The following FBXO10 variants were observed in gnomAD, a reference collection of about 807,000 sequenced individuals.
FBXO10 encodes F-box only protein 10.
Under a neutral mutation model 80.7 loss-of-function variants are expected in FBXO10, and 39 were observed. The ratio of observed to expected loss-of-function variants is 0.48; its 90% CI spans 0.37 to 0.63. FBXO10 has a LOEUF of 0.63. Among genes scored for constraint, FBXO10 ranks in the 30% least tolerant of loss-of-function variants. The pLI is 0.00. For synonymous variants in FBXO10, 449 were observed against 489.6 expected (o/e 0.92, Z 1.09); for missense variants, 1,025 against 1,269.0 (o/e 0.81, Z 2.92).
At chr9:37,532,416 T>C (rs1821654340) in intron 3 of FBXO10, among the ~76,000 whole-genome samples, 1 of 149,290 alleles carries the variant, frequency 6.7e-6, no homozygotes, top group African/African-American at 2.5e-5. Flanking sequence ...TCCTCCCACC[T>C]CAGCCTCCCA....
At chr9:37,513,062 C>T (rs1344629104) in intron 10 of FBXO10, among the ~76,000 whole-genome samples, 3 of 152,118 alleles carry the variant, frequency 2.0e-5, no homozygotes, top group African/African-American at 7.2e-5. Context: ...ACCTCCTGGG[C>T]TCAAGTGATC....
chr9:37,514,571 C>T (rs1441333556), intron 10 of FBXO10, among the ~76,000 whole-genome samples: 1 of 151,988 alleles, frequency 6.6e-6, no homozygotes, highest in Admixed American at 6.6e-5. Flanking sequence ...CGCGGTGGCT[C>T]ACACCTGTAA....
At chr9:37,551,542 C>T (rs905242495) in intron 1 of FBXO10, among the ~76,000 whole-genome samples, 2 of 152,228 alleles carry the variant, frequency 1.3e-5, no homozygotes, top group Non-Finnish European at 2.9e-5. Flanking sequence ...GTAGCCCAGC[C>T]ACACCTGGGC....
At chr9:37,561,194 T>TTTAA (rs10696134) in intron 1 of FBXO10, among the ~76,000 whole-genome samples, 1 of 145,284 alleles carries the variant, frequency 6.9e-6, no homozygotes, top group African/African-American at 2.5e-5. Context: ...TTTTTTTTTT[T>TTTAA]AAAGAAGTGA....
intron 1 of FBXO10, among the ~76,000 whole-genome samples, chr9:37,559,552 G>A (rs1822424234): frequency 6.6e-6 from 1 of 152,192 alleles, no homozygotes; most frequent in Non-Finnish European, 1.5e-5. Flanking sequence ...ATTACATTGG[G>A]AATCAATGCT....
intron 4 of FBXO10, among the ~76,000 whole-genome samples, chr9:37,529,981 C>A (rs915485384): frequency 6.6e-6 from 1 of 151,852 alleles, no homozygotes; most frequent in Non-Finnish European, 1.5e-5. Flanking sequence ...GCAAGATATT[C>A]ATTTCTAATA....
chr9:37,530,471 C>T (rs1489345847), intron 4 of FBXO10, among the ~76,000 whole-genome samples: 1 of 152,240 alleles, frequency 6.6e-6, no homozygotes, highest in East Asian at 1.9e-4. Flanking sequence ...TGCTATCCCT[C>T]TGTCCTCAGA....
intron 3 of FBXO10, 121 bp downstream of exon 3, chr9:37,536,989 A>C: frequency 1.5e-6 from 1 of 688,128 alleles, no homozygotes; most frequent in Non-Finnish European, 2.4e-6. Flanking sequence ...GATGGGCATG[A>C]CGTCAAGCGT....
Position 37,518,424 on chromosome 9 carries a change from CAT to C in FBXO10, c.2213_2214del (p.Tyr738CysfsTer49). 1 of 1,600,212 alleles carries C rather than the reference CAT, an allele frequency of 6.2e-7. No individual in the cohort carries two copies. Among genetic ancestry groups the C allele is most frequent in the Non-Finnish European group, 8.5e-7 (1 of 1,171,974 alleles). On this transcript the variant is annotated frameshift_variant, in exon 9 of 11. Coordinates refer to ENST00000432825, the MANE Select transcript of FBXO10 (RefSeq NM_012166.3). LOFTEE classifies it high-confidence loss of function. ...ACATGCAGTGCCTCGCTGCTCTGGA[CAT>C]AGAGTCCTGAGGCTATGGGTGGAAG... The part of the protein sequence containing the change: ...SINHNGASGL[Y>X]VQSSEALHVI...
At chr9:37,524,132 C>G (rs1301663458) in intron 6 of FBXO10, among the ~76,000 whole-genome samples, 2 of 152,280 alleles carry the variant, frequency 1.3e-5, no homozygotes, top group East Asian at 3.9e-4. Flanking sequence ...CATGCCAAGT[C>G]TGTTCTCACA....
At chr9:37,529,375 C>T in intron 4 of FBXO10, 115 bp from the exon 5 acceptor site, 1 of 1,161,792 alleles carries the variant, frequency 8.6e-7, no homozygotes, top group Non-Finnish European at 1.2e-6. Flanking sequence ...AAAATGACGT[C>T]ACTGTAAGAG....
intron 8 of FBXO10, among the ~76,000 whole-genome samples, chr9:37,520,965 A>G (rs2119061823): frequency 6.6e-6 from 1 of 152,282 alleles, no homozygotes; most frequent in East Asian, 1.9e-4. Flanking sequence ...AACAAGTGCC[A>G]GTGGGGATGG....
At chr9:37,568,935 G>A (rs1196129953) in intron 1 of FBXO10, among the ~76,000 whole-genome samples, 1 of 152,164 alleles carries the variant, frequency 6.6e-6, no homozygotes, top group East Asian at 1.9e-4. Context: ...TCCAAAGAAG[G>A]GAAGACAGCT....
chr9:37,521,695 G>C lies in FBXO10; in HGVS notation c.2074C>G (p.Gln692Glu). ...TCCCCATCCTCGCTGAAGTTCTCTT[G>C]AGCCCTGTGGCCTCGAGGTAACTCG... ...SSELPRGHRAQENFSEDGDAI... is the reference protein window; with the variant it reads ...SSELPRGHRAEENFSEDGDAI... Residue 692 changes from glutamine (Q) to glutamate (E), a missense_variant, in exon 8 of 11, where the codon CAA (glutamine) becomes GAA (glutamate). Coordinates refer to ENST00000432825, the MANE Select transcript of FBXO10 (RefSeq NM_012166.3). The C allele has an allele frequency of 6.2e-7, 1 of 1,613,992 alleles. No homozygotes were observed. The highest frequency in any genetic ancestry group is 8.5e-7 in the Non-Finnish European group (1 of 1,179,892).
Position 37,541,662 on chromosome 9 carries a change from A to T in FBXO10, c.107T>A (p.Leu36Gln). 1 of 1,613,968 alleles carries T rather than the reference A, an allele frequency of 6.2e-7. No homozygotes were observed. Among genetic ancestry groups the T allele is most frequent in the Non-Finnish European group, 8.5e-7 (1 of 1,179,876 alleles). Residue 36 changes from leucine (L) to glutamine (Q), a missense_variant, in exon 2 of 11, where the codon CTG becomes CAG. Physicochemically the swap from Leu to Gln is moderately radical, Grantham distance 113. Around this residue, in one of 3 missense-constraint regions of FBXO10, gnomAD observed 450 missense variants for 499.4 expected, o/e 0.90. Transcript: ENST00000432825. Reference sequence around the variant, plus strand: ...GCGGGTGCTGTCGAGACTGAGGATCAGTTCATACCAGGCCCTGCATACCAG... The same window carrying T: ...GCGGGTGCTGTCGAGACTGAGGATCTGTTCATACCAGGCCCTGCATACCAG... Reference protein sequence around the residue: ...CSLVCRAWYELILSLDSTRWR... With the variant: ...CSLVCRAWYEQILSLDSTRWR...
intron 1 of FBXO10, among the ~76,000 whole-genome samples, chr9:37,573,571 A>T (rs1011355248): frequency 2.0e-5 from 3 of 152,188 alleles, no homozygotes; most frequent in African/African-American, 4.8e-5. Context: ...TGCTCAGACA[A>T]TGCAGTTCTC....
At chr9:37,565,233 A>G (rs1184001013) in intron 1 of FBXO10, among the ~76,000 whole-genome samples, 1 of 152,172 alleles carries the variant, frequency 6.6e-6, no homozygotes, top group East Asian at 1.9e-4. Context: ...CTGTGAGTCA[A>G]TTAAACCTCT....
chr9:37,543,249 C>T (rs1821970667), intron 1 of FBXO10, among the ~76,000 whole-genome samples: 1 of 152,168 alleles, frequency 6.6e-6, no homozygotes, highest in African/African-American at 2.4e-5. Flanking sequence ...ATTTATATCA[C>T]ATGATTATAG....
rs10973400 is a variant in FBXO10, at chr9:37,532,047, G to A, written c.1431C>T (p.Leu477=). 22 of 1,613,470 alleles carry A rather than the reference G, an allele frequency of 1.4e-5. No individual in the cohort carries two copies. The highest frequency in any genetic ancestry group is 1.9e-5 in the Non-Finnish European group (22 of 1,179,578). ...CTCGGCAGCGGTAAATGTCGTTCCT[G>A]AGCATGATGATCTAAGCAGAAAAGA... is the stretch of plus-strand genomic sequence containing the variant. ...RCIHNSKIIM[L]RNDIYRCRAS... Residue 477 remains leucine (L), a synonymous_variant, in exon 4 of 11, where the codon CTC becomes CTT. Coordinates refer to ENST00000432825, the MANE Select transcript of FBXO10 (RefSeq NM_012166.3).
Sources: gnomAD v4.1 joint callset for allele counts (sites outside exome capture counted in the v4.1 genomes callset) on GRCh38, gnomAD v4.1.1 for gene constraint, gnomAD v4.1.1 regional missense constraint, MANE v1.5 for transcripts, NCBI Gene and HGNC (gene_info 2026-07-23, HGNC 2026-07-21) for gene names.